MAN2A1: variants seen among roughly 807,000 people sequenced by gnomAD.
The protein encoded by MAN2A1 is mannosidase alpha class 2A member 1.
A neutral mutation model predicts 142.6 loss-of-function variants in MAN2A1; 76 were observed. The observed-to-expected ratio is 0.53, with a 90% confidence interval of 0.44 to 0.65. The LOEUF is 0.65. Among genes scored for constraint, MAN2A1 ranks in the 30% least tolerant of loss-of-function variants. MAN2A1 has a pLI of 0.00. For missense variants in MAN2A1, 1,311 were observed against 1,365.1 expected (o/e 0.96, Z 0.62); for synonymous variants, 559 against 473.2 (o/e 1.18, Z -2.35).
At chr5:109,779,567 A>ACACACGCGTG (rs1561508012) in intron 8 of MAN2A1, among the ~76,000 whole-genome samples, 1 of 100,250 alleles carries the variant, frequency 1.0e-5, no homozygotes, top group African/African-American at 4.2e-5. Context: ...ACACGCGTGC[A>ACACACGCGTG]CACACACACA....
intron 10 of MAN2A1, among the ~76,000 whole-genome samples, chr5:109,787,900 C>T (rs1444867737): frequency 1.3e-5 from 2 of 151,682 alleles, no homozygotes; most frequent in Non-Finnish European, 2.9e-5. Flanking sequence ...GAACTCAAAT[C>T]CATAAGATTT....
chr5:109,713,700 C>G lies in MAN2A1; in HGVS notation c.316C>G (p.Gln106Glu). 6.2e-7 allele frequency: 1 copy of G among 1,614,172 alleles called. No homozygotes were observed. The highest frequency in any genetic ancestry group is 8.5e-7 in the Non-Finnish European group (1 of 1,180,020). Residue 106 changes from glutamine to glutamate, a missense_variant, in exon 2 of 22, where the codon CAA (glutamine) becomes GAA (glutamate). Coordinates refer to ENST00000261483, the MANE Select transcript of MAN2A1 (RefSeq NM_002372.4). The stretch of plus-strand genomic sequence containing the variant: ...TGCTGGCTCACATCTTCTGCCCTCA[C>G]AATTATCCCTCTCAGTTGACACTGC... ...QGAGSHLLPS[Q>E]LSLSVDTADC...
At chr5:109,842,556 A>G (rs1294511685) in intron 17 of MAN2A1, 95 bp downstream of exon 17, 1 of 805,594 alleles carries the variant, frequency 1.2e-6, no homozygotes, top group African/African-American at 1.8e-5. Flanking sequence ...CCTTTGAAAA[A>G]GTATACTTAA....
At chr5:109,768,253 C>G (rs956967500) in intron 6 of MAN2A1, among the ~76,000 whole-genome samples, 9 of 152,156 alleles carry the variant, frequency 5.9e-5, no homozygotes, top group Admixed American at 3.9e-4. Flanking sequence ...GAGAAAAGAT[C>G]TAGGCCTCTT....
At chr5:109,848,966 C>G (rs1303574980) in intron 19 of MAN2A1, among the ~76,000 whole-genome samples, 2 of 152,236 alleles carry the variant, frequency 1.3e-5, no homozygotes, top group Non-Finnish European at 2.9e-5. Flanking sequence ...AGAGCTCTTT[C>G]CGATGTCAGT....
At chr5:109,801,619 G>C (rs2042165) in intron 12 of MAN2A1, among the ~76,000 whole-genome samples, 57,577 of 151,960 alleles carry the variant, frequency 0.38, 11,864 homozygotes, top group African/African-American at 0.55. Context: ...GCAGCTACCA[G>C]ATTTTCTGTC....
At chr5:109,818,213 G>A (rs562632911) in intron 13 of MAN2A1, among the ~76,000 whole-genome samples, 14 of 151,966 alleles carry the variant, frequency 9.2e-5, no homozygotes, top group South Asian at 8.3e-4. Context: ...CGATCTCGGC[G>A]CACCGCAACC....
intron 3 of MAN2A1, among the ~76,000 whole-genome samples, chr5:109,718,978 A>T (rs1582820719): frequency 3.0e-5 from 1 of 33,484 alleles, no homozygotes; most frequent in African/African-American, 5.6e-4. Context: ...TTCTATTCTT[A>T]AAAAAAAAAA....
intron 16 of MAN2A1, among the ~76,000 whole-genome samples, chr5:109,841,000 C>A (rs1755188862): frequency 6.6e-6 from 1 of 152,188 alleles, no homozygotes; most frequent in Admixed American, 6.5e-5. Context: ...TTACTCCTTT[C>A]CTACCTTATG....
chr5:109,861,706 G>A (rs955856751), intron 20 of MAN2A1, among the ~76,000 whole-genome samples: 6 of 152,146 alleles, frequency 3.9e-5, no homozygotes, highest in Admixed American at 1.3e-4. Context: ...CTGGGAGCAC[G>A]CTCAGGTGTG....
intron 5 of MAN2A1, among the ~76,000 whole-genome samples, chr5:109,758,315 T>C (rs1251373698): frequency 2.0e-5 from 3 of 152,152 alleles, no homozygotes; most frequent in African/African-American, 7.2e-5. Context: ...CAGCTGCGTA[T>C]AGATCTTTTA....
chr5:109,808,283 C>T (rs1754224938), intron 12 of MAN2A1, among the ~76,000 whole-genome samples: 1 of 152,100 alleles, frequency 6.6e-6, no homozygotes, highest in Non-Finnish European at 1.5e-5. Flanking sequence ...CTAATAAACA[C>T]GTAACTTCCT....
At chr5:109,707,854 C>CTGGA (rs1466095152) in intron 1 of MAN2A1, among the ~76,000 whole-genome samples, 5 of 152,126 alleles carry the variant, frequency 3.3e-5, no homozygotes, top group Non-Finnish European at 7.4e-5. Context: ...AAGCCCTTTA[C>CTGGA]TGGAGATCTG....
intron 1 of MAN2A1, among the ~76,000 whole-genome samples, chr5:109,712,939 T>A (rs1259369979): frequency 6.6e-6 from 1 of 152,154 alleles, no homozygotes; most frequent in Non-Finnish European, 1.5e-5. Context: ...ATGAAAAAAA[T>A]TTAAGACACA....
intron 3 of MAN2A1, among the ~76,000 whole-genome samples, chr5:109,723,248 A>G (rs1038842675): frequency 6.6e-6 from 1 of 152,184 alleles, no homozygotes; most frequent in Non-Finnish European, 1.5e-5. Flanking sequence ...AAATATCTTC[A>G]TTGAATTAAA....
chr5:109,705,489 C>G (rs1339648078), intron 1 of MAN2A1, among the ~76,000 whole-genome samples: 2 of 152,098 alleles, frequency 1.3e-5, no homozygotes, highest in African/African-American at 4.8e-5. Flanking sequence ...ATTGCTTGGG[C>G]TCACAGCTCC....
chr5:109,866,484 A>G (rs1207546545), intron 21 of MAN2A1, among the ~76,000 whole-genome samples: 2 of 152,188 alleles, frequency 1.3e-5, no homozygotes, highest in Non-Finnish European at 2.9e-5. Context: ...CTTCTTGGCC[A>G]TTGGAGGTCC....
At chr5:109,760,014 T>G (rs1382563152) in intron 5 of MAN2A1, among the ~76,000 whole-genome samples, 1 of 151,960 alleles carries the variant, frequency 6.6e-6, no homozygotes, top group East Asian at 1.9e-4. Flanking sequence ...TACTTTAAGT[T>G]CTGGGATACA....
chr5:109,691,076 C>T (rs1239179502), intron 1 of MAN2A1, among the ~76,000 whole-genome samples: 4 of 152,166 alleles, frequency 2.6e-5, no homozygotes, highest in Admixed American at 1.3e-4. Flanking sequence ...TGTTGCGGCC[C>T]TTTTAGATGT....
Sources: allele counts gnomAD v4.1 joint callset (sites outside exome capture counted in the v4.1 genomes callset), GRCh38; gene constraint gnomAD v4.1.1; transcripts MANE v1.5; gene names NCBI Gene and HGNC (gene_info 2026-07-23, HGNC 2026-07-21).